The following ZDHHC11B variants were observed in gnomAD, a reference collection of about 807,000 sequenced individuals.
The protein encoded by ZDHHC11B is probable palmitoyltransferase ZDHHC11B.
A neutral mutation model predicts 42.3 loss-of-function variants in ZDHHC11B; 17 were observed. The ratio of observed to expected loss-of-function variants is 0.40; its 90% CI spans 0.27 to 0.60. ZDHHC11B has a LOEUF of 0.60. Among genes scored for constraint, ZDHHC11B ranks in the 20% least tolerant of loss-of-function variants. ZDHHC11B has a pLI of 0.41. For synonymous variants in ZDHHC11B, 123 were observed against 193.5 expected, an observed-to-expected ratio of 0.64 and a Z score of 3.02; for missense variants, 262 against 463.2, an observed-to-expected ratio of 0.57 and a Z score of 3.99.
rs542985548 is a variant in ZDHHC11B at position 732,691 on chromosome 5, C to A, written c.1023+1061G>T. ...TGCCCCCACAGGGAAGGACAAGTCA[C>A]CTGTAACCTCCAGAAACTGGCCCCC... On this transcript the variant is annotated intron_variant, in intron 11 of 13. Coordinates refer to ENST00000508859, the MANE Select transcript of ZDHHC11B (RefSeq NM_001351303.2). The A allele has an allele frequency of 6.8e-5, 30 of 440,470 alleles. 2 individuals are homozygous for A. The highest frequency in any genetic ancestry group is 5.9e-4 in the African/African-American group (29 of 49,328). 27.3% of individuals were successfully genotyped at this position (440,470 alleles called of 1,614,324 possible). A position where few individuals can be genotyped will look rare whatever the true frequency, so the allele number is the denominator to read the frequency against.
At chr5:745,397 G>C (rs939775725) in intron 8 of ZDHHC11B, 99 bp from the exon 9 acceptor site, 2 of 1,051,264 alleles carry the variant, frequency 1.9e-6, no homozygotes, top group South Asian at 1.5e-5. Flanking sequence ...CCACTGATCC[G>C]GCCCCTGCAC....
chr5:780,937 C>G (rs1196716243), intron 1 of ZDHHC11B, among the ~76,000 whole-genome samples: 2 of 149,214 alleles, frequency 1.3e-5, no homozygotes, highest in South Asian at 4.3e-4. Flanking sequence ...GCCAGGTTAC[C>G]TGCGAGATGC....
chr5:766,746 C>T lies in ZDHHC11B; in HGVS notation c.174G>A (p.Arg58=), dbSNP rs749082531. Residue 58 remains arginine, a synonymous_variant, in exon 4 of 14, where the codon AGG becomes AGA. Coordinates refer to ENST00000508859, the MANE Select transcript of ZDHHC11B (RefSeq NM_001351303.2). ...VFVGLSLATF[R]IFIPLLPHSW... ...AGTGAGGCAGGAGGGGAATGAAGAT[C>T]CTGAAGGTGGCCAAGGAAAGGCCAA... 13 of 1,612,104 alleles carry T rather than the reference C, an allele frequency of 8.1e-6. No individual in the cohort carries two copies. The highest frequency in any genetic ancestry group is 6.7e-5 in the East Asian group (3 of 44,844).
rs142829267 is a variant in ZDHHC11B at position 723,077 on chromosome 5, G to A, written c.1059-6212C>T. Among the ~76,000 whole-genome samples the A allele has an allele frequency of 5.7e-5, 8 of 141,486 alleles. No homozygotes were observed. The East Asian group carries it at 1.6e-3, about 29-fold the overall frequency. The allele number at this position is 141,486 out of a possible 152,430, so 92.8% of individuals were successfully genotyped here. ...TGAGCGGGGTGCAAGGACTTGGAAT[G>A]GGGGCCCCATCAACAGATAAAGATG... On this transcript the variant is annotated intron_variant, in intron 12 of 13. Transcript: ENST00000508859.
chr5:733,712 G>A lies in ZDHHC11B; in HGVS notation c.1023+40C>T, dbSNP rs780680521. The A allele has an allele frequency of 7.9e-5, 123 of 1,563,320 alleles. 1 individual carries two copies. Among genetic ancestry groups the A allele is most frequent in the Non-Finnish European group, 7.9e-5 (90 of 1,138,284 alleles). ...CCCGAGACCACATATTCTGCACACG[G>A]CCCTGTCCTCAGGGTGCATTGCTGG... On this transcript the variant is annotated intron_variant, in intron 11 of 13. Coordinates refer to ENST00000508859, the MANE Select transcript of ZDHHC11B (RefSeq NM_001351303.2).
chr5:773,043 G>T (rs531228886), intron 1 of ZDHHC11B, among the ~76,000 whole-genome samples: 34 of 152,094 alleles, frequency 2.2e-4, no homozygotes, highest in African/African-American at 6.8e-4. Flanking sequence ...CACACACACA[G>T]ATCAGGAGCG....
At chr5:726,342 C>A (rs1209262949) in intron 12 of ZDHHC11B, among the ~76,000 whole-genome samples, 1 of 150,362 alleles carries the variant, frequency 6.7e-6, no homozygotes, top group East Asian at 2.0e-4. Context: ...TAAGGTGGAC[C>A]AGCTGGATCC....
rs375711101 is a variant in ZDHHC11B, at chr5:749,231, C to G, written c.629-672G>C. Among the ~76,000 whole-genome samples the G allele has an allele frequency of 6.1e-5, 8 of 130,430 alleles. 1 individual carries two copies. In the East Asian group the frequency reaches 9.5e-4, roughly 15 times the overall value. The allele number at this position is 130,430 out of a possible 152,430, so 85.6% of individuals were successfully genotyped here. A position where few individuals can be genotyped will look rare whatever the true frequency, so the allele number is the denominator to read the frequency against. On this transcript the variant is annotated intron_variant, in intron 7 of 13. Coordinates refer to ENST00000508859, the MANE Select transcript of ZDHHC11B (RefSeq NM_001351303.2). ...CTAAAACAGCCGCCTTCAAATAGAA[C>G]AGGAAAGCCACAGCTCTCACCTGGG... is the stretch of plus-strand genomic sequence containing the variant.
chr5:759,383 C>T (rs915623638), intron 4 of ZDHHC11B, among the ~76,000 whole-genome samples: 9 of 151,934 alleles, frequency 5.9e-5, no homozygotes, highest in African/African-American at 2.2e-4. Context: ...GTCTTGTCGT[C>T]TTATCAATCC....
At chr5:742,544 G>A (rs1382302965) in intron 9 of ZDHHC11B, among the ~76,000 whole-genome samples, 1 of 144,542 alleles carries the variant, frequency 6.9e-6, no homozygotes, top group African/African-American at 2.5e-5. Flanking sequence ...AAGTATGTCG[G>A]CGCCATTTTC....
At chr5:726,205 A>C (rs1296878250) in intron 12 of ZDHHC11B, among the ~76,000 whole-genome samples, 1 of 151,660 alleles carries the variant, frequency 6.6e-6, no homozygotes, top group African/African-American at 2.4e-5. Flanking sequence ...ACAGGCTCTT[A>C]GTGAATGGAC....
chr5:750,110 G>A (rs1165433378), intron 7 of ZDHHC11B, among the ~76,000 whole-genome samples: 1 of 110,756 alleles, frequency 9.0e-6, no homozygotes, highest in African/African-American at 3.1e-5. Context: ...TGTGTGCAGT[G>A]CGGGTGCAGC....
intron 12 of ZDHHC11B, 107 bp downstream of exon 12, chr5:730,327 A>G (rs1380133349): frequency 1.1e-5 from 15 of 1,340,216 alleles, no homozygotes; most frequent in Non-Finnish European, 1.5e-5. Flanking sequence ...CCCTTATGTC[A>G]TCAGAATATT....
chr5:749,920 C>T (rs1172034372), intron 7 of ZDHHC11B, among the ~76,000 whole-genome samples: 1 of 123,220 alleles, frequency 8.1e-6, no homozygotes, highest in Non-Finnish European at 1.7e-5. Flanking sequence ...TCAGGAAGTG[C>T]TTCAGAAGCG....
chr5:766,508 G>A lies in ZDHHC11B; in HGVS notation c.222+190C>T, dbSNP rs868078400. ...CTGATGTGGGGTCAGCAGCTGTCCT[G>A]ACCCTGAGCAGGGGCTGCACAGAGC... On this transcript the variant is annotated intron_variant, in intron 4 of 13. Coordinates refer to ENST00000508859, the MANE Select transcript of ZDHHC11B (RefSeq NM_001351303.2). 2.0e-5 allele frequency among the ~76,000 whole-genome samples: 3 copies of A among 151,936 alleles called. No homozygotes were observed. In the South Asian group the frequency reaches 6.3e-4, roughly 32 times the overall value.
intron 12 of ZDHHC11B, among the ~76,000 whole-genome samples, chr5:726,319 G>A (rs1211646962): frequency 1.3e-5 from 2 of 151,064 alleles, no homozygotes; most frequent in Admixed American, 6.6e-5. Flanking sequence ...GTAGAAGGCT[G>A]TGAGTGAGTC....
intron 12 of ZDHHC11B, among the ~76,000 whole-genome samples, chr5:724,626 C>T (rs370178376): frequency 2.2e-4 from 31 of 140,652 alleles, no homozygotes; most frequent in African/African-American, 8.1e-4. Context: ...TCTGCTTTCT[C>T]GGCCTCCCCA....
intron 8 of ZDHHC11B, chr5:747,752 C>T (rs1288409574): frequency 1.7e-5 from 3 of 177,790 alleles, no homozygotes; most frequent in African/African-American, 7.2e-5. Flanking sequence ...AGGCCACAGC[C>T]TCGGGGCCAC....
chr5:714,493 ATTT>A (rs58853046), intron 13 of ZDHHC11B, among the ~76,000 whole-genome samples: 1 of 109,376 alleles, frequency 9.1e-6, no homozygotes, highest in Non-Finnish European at 1.9e-5. Flanking sequence ...AGTGGTGAAT[ATTT>A]TTTTTTTTGA....
Sources: allele counts gnomAD v4.1 joint callset (sites outside exome capture counted in the v4.1 genomes callset), GRCh38; gene constraint gnomAD v4.1.1; transcripts MANE v1.5; gene names NCBI Gene and HGNC (gene_info 2026-07-23, HGNC 2026-07-21).